Variants in GPC6 observed in about 807,000 individuals in gnomAD.
The protein encoded by GPC6 is glypican-6.
Under a neutral mutation model 55.2 loss-of-function variants are expected in GPC6, and 14 were observed. The ratio of observed to expected loss-of-function variants is 0.25; its 90% confidence interval spans 0.17 to 0.40. The LOEUF is 0.40. GPC6 is among the 10% of genes least tolerant of loss of function. The probability of loss-of-function intolerance (pLI) is 1.00; values close to 1 mark genes in which losing one functional copy is unlikely to be tolerated. For missense variants in GPC6, 641 were observed against 708.5 expected (o/e 0.90, Z 1.08); for synonymous variants, 278 against 259.6 (o/e 1.07, Z -0.68).
chr13:93,393,123 TATATAGAGAG>T (rs1356792672), intron 1 of GPC6, among the ~76,000 whole-genome samples: 94 of 94,650 alleles, frequency 9.9e-4, no homozygotes, highest in South Asian at 5.3e-3. Flanking sequence ...TATATATATA[TATATAGAGAG>T]AGAGAGAGAG....
At chr13:94,259,930 G>T (rs896675825) in intron 4 of GPC6, among the ~76,000 whole-genome samples, 1 of 151,994 alleles carries the variant, frequency 6.6e-6, no homozygotes, top group African/African-American at 2.4e-5. Flanking sequence ...ACGATATTTT[G>T]TTTATCATTA....
At position 93,895,218 on chromosome 13, in the gene GPC6, A is replaced by G. The variant is rs940071881; in HGVS notation, c.711+64673A>G. Among the ~76,000 whole-genome samples, 26 of 60,420 alleles carry G rather than the reference A, an allele frequency of 4.3e-4. No individual in the cohort carries two copies. The East Asian group carries it at 9.3e-3, about 22-fold the overall frequency. The allele number at this position is 60,420 out of a possible 152,430, so 39.6% of individuals were successfully genotyped here. ...TCCATATATATGTGTGTGTGTGTGT[A>G]TGTATGTGTGTGTGTGTATATATAT... On this transcript the variant is annotated intron_variant, in intron 3 of 8. Transcript: ENST00000377047.
intron 4 of GPC6, among the ~76,000 whole-genome samples, chr13:94,235,422 G>C (rs1247199172): frequency 1.3e-5 from 2 of 152,016 alleles, no homozygotes; most frequent in African/African-American, 4.8e-5. Context: ...CATCCTCATT[G>C]AGCGGCCTTA....
intron 2 of GPC6, among the ~76,000 whole-genome samples, chr13:93,627,058 G>T (rs936025024): frequency 3.9e-5 from 6 of 151,976 alleles, no homozygotes; most frequent in Non-Finnish European, 2.9e-5. Context: ...AGAACATGCA[G>T]TTTTGTTACA....
rs570264291 is a variant in GPC6 at position 93,795,011 on chromosome 13, A to C, written c.320-35143A>C. Among the ~76,000 whole-genome samples, 5 of 152,340 alleles carry C rather than the reference A, an allele frequency of 3.3e-5. No individual in the cohort carries two copies. In the East Asian group the frequency reaches 9.6e-4, roughly 29 times the overall value. On this transcript the variant is annotated intron_variant, in intron 2 of 8. Transcript: ENST00000377047. ...AATGCTCTCAGCATATAGACTGTGA[A>C]AAATTCTGTTGTGGAAATGATTCTA...
chr13:93,829,642 TG>T (rs1887404835), intron 2 of GPC6, among the ~76,000 whole-genome samples: 2 of 152,214 alleles, frequency 1.3e-5, no homozygotes, highest in African/African-American at 4.8e-5. Flanking sequence ...GCTAATTGAT[TG>T]CTATATATAG....
chr13:93,609,280 T>C (rs1194454593), intron 2 of GPC6, among the ~76,000 whole-genome samples: 4 of 152,212 alleles, frequency 2.6e-5, no homozygotes, highest in Admixed American at 6.5e-5. Context: ...AATGGTGCAA[T>C]CTCAGCTCAC....
intron 1 of GPC6, among the ~76,000 whole-genome samples, chr13:93,399,836 G>A (rs954559338): frequency 1.3e-5 from 2 of 152,134 alleles, no homozygotes; most frequent in African/African-American, 4.8e-5. Context: ...CCAAAAATGT[G>A]TGGATCTCTG....
At chr13:94,230,525 G>C (rs1890691039) in intron 4 of GPC6, among the ~76,000 whole-genome samples, 1 of 152,070 alleles carries the variant, frequency 6.6e-6, no homozygotes, top group African/African-American at 2.4e-5. Flanking sequence ...TCACACTCTA[G>C]CATTCTCCAA....
chr13:93,982,168 A>G (rs1880834884), intron 3 of GPC6, among the ~76,000 whole-genome samples: 1 of 152,216 alleles, frequency 6.6e-6, no homozygotes, highest in Non-Finnish European at 1.5e-5. Context: ...ATGGTCTTCT[A>G]AAAGCTAAAC....
rs1470187330 is a variant in GPC6, at chr13:93,891,445, C to T, written c.711+60900C>T. ...GCCATGCAATATGCTGACTCTCCTTCTTCATAGCCCTTCATCCATCAGAGA... is the reference window on the plus strand; with the variant it reads ...GCCATGCAATATGCTGACTCTCCTTTTTCATAGCCCTTCATCCATCAGAGA... On this transcript the variant is annotated intron_variant, in intron 3 of 8. Coordinates refer to ENST00000377047, the MANE Select transcript of GPC6 (RefSeq NM_005708.5). Among the ~76,000 whole-genome samples the T allele has an allele frequency of 2.0e-5, 3 of 152,124 alleles. No individual in the cohort carries two copies. The East Asian group carries it at 5.8e-4, about 29-fold the overall frequency.
At chr13:94,230,930 G>C (rs1890705378) in intron 4 of GPC6, among the ~76,000 whole-genome samples, 1 of 152,138 alleles carries the variant, frequency 6.6e-6, no homozygotes, top group Admixed American at 6.6e-5. Context: ...CAGGTGAAGA[G>C]TCTGAAGCCA....
intron 3 of GPC6, among the ~76,000 whole-genome samples, chr13:93,838,063 T>C (rs1887808430): frequency 6.6e-6 from 1 of 152,182 alleles, no homozygotes. Flanking sequence ...CCTGCATAAT[T>C]TAAAACAGTT....
chr13:94,190,669 A>T (rs1405869837), intron 4 of GPC6, among the ~76,000 whole-genome samples: 1 of 152,224 alleles, frequency 6.6e-6, no homozygotes, highest in Non-Finnish European at 1.5e-5. Flanking sequence ...TGTTCAATTT[A>T]CTAAAGTTAA....
intron 3 of GPC6, among the ~76,000 whole-genome samples, chr13:93,898,938 TAA>T (rs34280257): frequency 2.2e-5 from 2 of 92,618 alleles, no homozygotes; most frequent in Admixed American, 2.2e-4. Context: ...ATATTATATA[TAA>T]ATATATATAT....
At chr13:93,315,258 AT>A (rs1566294785) in intron 1 of GPC6, among the ~76,000 whole-genome samples, 1 of 152,008 alleles carries the variant, frequency 6.6e-6, no homozygotes, top group African/African-American at 2.4e-5. Context: ...TTACTATGAA[AT>A]TTTTTGAAGA....
At chr13:93,544,951 G>T (rs1490014858) in intron 1 of GPC6, among the ~76,000 whole-genome samples, 1 of 152,078 alleles carries the variant, frequency 6.6e-6, no homozygotes, top group African/African-American at 2.4e-5. Context: ...TTGTGTTGTT[G>T]TATCACCTGA....
chr13:94,223,782 A>G (rs1026768622), intron 4 of GPC6, among the ~76,000 whole-genome samples: 2 of 152,188 alleles, frequency 1.3e-5, no homozygotes, highest in African/African-American at 4.8e-5. Flanking sequence ...TCCCCAGTAC[A>G]GCAGATCCTC....
At chr13:93,786,813 C>T (rs141981048) in intron 2 of GPC6, among the ~76,000 whole-genome samples, 1 of 152,016 alleles carries the variant, frequency 6.6e-6, no homozygotes, top group Non-Finnish European at 1.5e-5. Flanking sequence ...TCAGTGAAAC[C>T]AGAACTCAGC....
Sources: allele counts gnomAD v4.1 joint callset (sites outside exome capture counted in the v4.1 genomes callset), GRCh38; gene constraint gnomAD v4.1.1; transcripts MANE v1.5; gene names NCBI Gene and HGNC (gene_info 2026-07-23, HGNC 2026-07-21).